The following LRP1B variants were observed in gnomAD, a reference collection of about 807,000 sequenced individuals.
The protein encoded by LRP1B is low-density lipoprotein receptor-related protein 1B.
In LRP1B, 217 loss-of-function variants were observed where a neutral mutation model predicts 556.6. The ratio of observed to expected loss-of-function variants is 0.39; its 90% confidence interval spans 0.35 to 0.44. LRP1B has a LOEUF of 0.44. Ranked by LOEUF, LRP1B falls within the 20% of genes least tolerant of loss-of-function variation. LRP1B has a pLI of 1.00. For missense variants in LRP1B, 5,053 were observed against 5,620.8 expected (o/e 0.90, Z 3.23); for synonymous variants, 2,047 against 1,865.8 (o/e 1.10, Z -2.50).
At chr2:141,814,145 T>G (rs1230379839) in intron 1 of LRP1B, among the ~76,000 whole-genome samples, 1 of 152,056 alleles carries the variant, frequency 6.6e-6, no homozygotes, top group Non-Finnish European at 1.5e-5. Flanking sequence ...AGATGAAAGG[T>G]ATGAGATAAT....
intron 2 of LRP1B, among the ~76,000 whole-genome samples, chr2:141,535,100 C>T (rs1424906021): frequency 6.6e-6 from 1 of 152,054 alleles, no homozygotes; most frequent in African/African-American, 2.4e-5. Flanking sequence ...TTTGTGAGTC[C>T]ATCTTCTAAC....
At chr2:141,806,091 T>C (rs1427850060) in intron 2 of LRP1B, among the ~76,000 whole-genome samples, 1 of 152,038 alleles carries the variant, frequency 6.6e-6, no homozygotes, top group African/African-American at 2.4e-5. Flanking sequence ...GATGTCAGAT[T>C]TCTGGAAAAT....
chr2:141,484,080 G>A (rs1189279028), intron 2 of LRP1B, among the ~76,000 whole-genome samples: 1 of 151,986 alleles, frequency 6.6e-6, no homozygotes, highest in Non-Finnish European at 1.5e-5. Context: ...TTTCTTCTAG[G>A]GTTTTTATGG....
chr2:140,918,653 G>C (rs559729574), intron 21 of LRP1B, among the ~76,000 whole-genome samples: 1 of 152,142 alleles, frequency 6.6e-6, no homozygotes, highest in South Asian at 2.1e-4. Context: ...TTTCTTATAG[G>C]TGTTATAGAC....
chr2:141,377,700 T>G (rs1689489081), intron 3 of LRP1B, among the ~76,000 whole-genome samples: 1 of 151,890 alleles, frequency 6.6e-6, no homozygotes. Flanking sequence ...CCTAATAATA[T>G]CTTTAATTAT....
chr2:141,374,665 T>A (rs575598223), intron 3 of LRP1B, among the ~76,000 whole-genome samples: 1 of 152,148 alleles, frequency 6.6e-6, no homozygotes, highest in South Asian at 2.1e-4. Context: ...TAGTCCATCA[T>A]TGAAGCTTTC....
At chr2:141,851,691 GT>G (rs1034654966) in intron 1 of LRP1B, among the ~76,000 whole-genome samples, 9 of 151,700 alleles carry the variant, frequency 5.9e-5, no homozygotes, top group Non-Finnish European at 1.3e-4. Context: ...ACAGGAGTTT[GT>G]TATTGTTTTA....
At chr2:140,766,866 A>AAT (rs1689139923) in intron 35 of LRP1B, among the ~76,000 whole-genome samples, 2 of 116,360 alleles carry the variant, frequency 1.7e-5, no homozygotes, top group Non-Finnish European at 3.7e-5. Context: ...ATATATATAT[A>AAT]ATATATATAA....
At chr2:141,010,639 C>A (rs1056098306) in intron 14 of LRP1B, among the ~76,000 whole-genome samples, 1 of 151,864 alleles carries the variant, frequency 6.6e-6, no homozygotes, top group African/African-American at 2.4e-5. Flanking sequence ...CTCAGCCTCC[C>A]GAGTAGCTAG....
intron 3 of LRP1B, among the ~76,000 whole-genome samples, chr2:141,293,534 C>T (rs538832809): frequency 6.6e-6 from 1 of 152,206 alleles, no homozygotes; most frequent in South Asian, 2.1e-4. Context: ...AGTTATCATG[C>T]ATACACTGAA....
At chr2:141,825,305 TG>T (rs1444628425) in intron 1 of LRP1B, among the ~76,000 whole-genome samples, 1 of 152,178 alleles carries the variant, frequency 6.6e-6, no homozygotes, top group East Asian at 1.9e-4. Context: ...ATAAAAAGAC[TG>T]AATAGTAAAA....
In LRP1B at chr2:140,502,941, G is replaced by A. The variant is rs761070692; in HGVS notation, c.8662+22C>T. The A allele has an allele frequency of 1.1e-5, 17 of 1,608,688 alleles. No individual in the cohort carries two copies. In the East Asian group the frequency reaches 1.3e-4, roughly 13 times the overall value. On this transcript the variant is annotated intron_variant, in intron 54 of 90. Transcript: ENST00000389484. ...ATTGAAAACACTTTAGAGTAAATGCGGTATTGTATATATTTCTGTACCTGC... is the reference window on the plus strand; with the variant it reads ...ATTGAAAACACTTTAGAGTAAATGCAGTATTGTATATATTTCTGTACCTGC...
At chr2:140,978,501 T>C (rs1696670854) in intron 18 of LRP1B, among the ~76,000 whole-genome samples, 1 of 152,036 alleles carries the variant, frequency 6.6e-6, no homozygotes, top group Non-Finnish European at 1.5e-5. Flanking sequence ...AAAAGCAAAA[T>C]ATGGCCAGTA....
chr2:141,891,220 T>C (rs1699282652), intron 1 of LRP1B, among the ~76,000 whole-genome samples: 1 of 152,004 alleles, frequency 6.6e-6, no homozygotes, highest in South Asian at 2.1e-4. Flanking sequence ...GGAGATGCAT[T>C]GGAAAAAGCA....
intron 3 of LRP1B, among the ~76,000 whole-genome samples, chr2:141,405,824 C>A (rs2104933273): frequency 1.3e-5 from 2 of 152,064 alleles, no homozygotes; most frequent in Middle Eastern, 6.8e-3. Context: ...TTCCCTGCTG[C>A]AAATGAATAC....
intron 55 of LRP1B, among the ~76,000 whole-genome samples, chr2:140,496,763 G>A (rs976319136): frequency 6.6e-6 from 1 of 152,052 alleles, no homozygotes; most frequent in African/African-American, 2.4e-5. Flanking sequence ...ATCACAGACT[G>A]ATTAGTTGTC....
chr2:140,533,276 G>C (rs1254780168), intron 47 of LRP1B, among the ~76,000 whole-genome samples: 1 of 151,934 alleles, frequency 6.6e-6, no homozygotes, highest in Non-Finnish European at 1.5e-5. Context: ...GCCAAATACT[G>C]TTCTAACCTT....
chr2:142,064,052 A>G (rs1163814413), intron 1 of LRP1B, among the ~76,000 whole-genome samples: 1 of 151,602 alleles, frequency 6.6e-6, no homozygotes, highest in Non-Finnish European at 1.5e-5. Flanking sequence ...TTTGACAAGA[A>G]TGCTTTGAAG....
At position 142,130,741 on chromosome 2, in the gene LRP1B, G is replaced by A. The variant is rs1409217167; in HGVS notation, c.-12C>T. ...AGAAACTCGGACATTGTGGTCGCCC[G>A]GTAAGGAAGCCTGCGCTGGAGACTG... On this transcript the variant is annotated 5_prime_UTR_variant, in exon 1 of 91. Transcript: ENST00000389484. The A allele has an allele frequency of 1.9e-6, 3 of 1,605,928 alleles. No homozygotes were observed. Among genetic ancestry groups the A allele is most frequent in the Non-Finnish European group, 2.6e-6 (3 of 1,175,722 alleles).
Sources: allele counts gnomAD v4.1 joint callset (sites outside exome capture counted in the v4.1 genomes callset), GRCh38; gene constraint gnomAD v4.1.1; transcripts MANE v1.5; gene names NCBI Gene and HGNC (gene_info 2026-07-23, HGNC 2026-07-21).